The following NIFK variants were observed in gnomAD, a reference collection of about 807,000 sequenced individuals.
The protein encoded by NIFK is nucleolar protein interacting with the FHA domain of MKI67.
A neutral mutation model predicts 31.7 loss-of-function variants in NIFK; 16 were observed. The observed-to-expected ratio is 0.50, with a 90% confidence interval of 0.34 to 0.77. The LOEUF is 0.77. NIFK is among the 30% of genes least tolerant of loss of function. The probability of loss-of-function intolerance (pLI) is 0.01; values close to 1 mark genes in which losing one functional copy is unlikely to be tolerated. For synonymous variants in NIFK, 126 were observed against 123.0 expected, an observed-to-expected ratio of 1.02 and a Z score of -0.16; for missense variants, 341 against 350.4, an observed-to-expected ratio of 0.97 and a Z score of 0.21.
chr2:121,736,676 G>A (rs2074583701), intron 1 of NIFK, 70 bp downstream of exon 1: 15 of 1,358,350 alleles, frequency 1.1e-5, no homozygotes, highest in Non-Finnish European at 1.5e-5. Flanking sequence ...CGGAAACCGT[G>A]CAACCCCAGA....
chr2:121,731,034 T>C lies in NIFK; in HGVS notation c.423A>G (p.Pro141=), dbSNP rs192796365. The part of the protein sequence containing the change: ...FKDWNIPFKQ[P]SYPSVKRYNR... Reference sequence around the variant, plus strand: ...TATACCGTTTCACTGATGGATATGATGGCTGCTTAAATGGAATATTCCAGT... The same window carrying C: ...TATACCGTTTCACTGATGGATATGACGGCTGCTTAAATGGAATATTCCAGT... Residue 141 remains proline, a synonymous_variant, in exon 4 of 7, where the codon CCA becomes CCG. Coordinates refer to ENST00000285814, the MANE Select transcript of NIFK (RefSeq NM_032390.5). 8.7e-6 allele frequency: 14 copies of C among 1,613,188 alleles called. No individual in the cohort carries two copies. Among genetic ancestry groups the C allele is most frequent in the African/African-American group, 1.3e-5 (1 of 74,920 alleles).
chr2:121,734,665 C>T (rs1199779848), intron 2 of NIFK, among the ~76,000 whole-genome samples: 2 of 152,032 alleles, frequency 1.3e-5, no homozygotes, highest in South Asian at 2.1e-4. Context: ...TGGTGGCAGG[C>T]GCCTGTAATC....
chr2:121,732,225 C>T (rs769587932), intron 2 of NIFK, 21 bp from the exon 3 acceptor site: 1 of 1,412,110 alleles, frequency 7.1e-7, no homozygotes, highest in African/African-American at 1.4e-5. Flanking sequence ...GAAACCGCCA[C>T]AAAAAGTAGA....
Position 121,736,721 on chromosome 2 carries a change from A to G in NIFK, c.105+25T>C, listed in dbSNP as rs771924852. The G allele has an allele frequency of 3.1e-6, 5 of 1,598,878 alleles. No homozygotes were observed. In the Admixed American group the frequency reaches 5.0e-5, roughly 16 times the overall value. ...GACCCGGTCCATCGCCCCCGCTCGC[A>G]GCCTGGGCCAGGGTGCCTGCTCACC... On this transcript the variant is annotated intron_variant, in intron 1 of 6. Transcript: ENST00000285814.
At chr2:121,729,570 T>C (rs529645472) in intron 4 of NIFK, among the ~76,000 whole-genome samples, 1 of 152,220 alleles carries the variant, frequency 6.6e-6, no homozygotes, top group East Asian at 1.9e-4. Flanking sequence ...AATGACAATC[T>C]TTTTCTTTTT....
At position 121,736,757 on chromosome 2, in the gene NIFK, G is replaced by A. The variant is rs552559583; in HGVS notation, c.94C>T (p.Arg32Cys). ...FQKEVAQVRKRITQRKKQEQL... is the reference protein window; with the variant it reads ...FQKEVAQVRKCITQRKKQEQL... ...GGGTGCCTGCTCACCTGGGTTATGCGCTTGCGAACCTGCGCCACCTCCTTT... is the reference window on the plus strand; with the variant it reads ...GGGTGCCTGCTCACCTGGGTTATGCACTTGCGAACCTGCGCCACCTCCTTT... The change falls in exon 1 of 7, where the codon CGC becomes TGC. Residue 32 changes from arginine (R) to cysteine (C), a missense_variant. Coordinates refer to ENST00000285814, the MANE Select transcript of NIFK (RefSeq NM_032390.5). 1.9e-6 allele frequency: 3 copies of A among 1,613,836 alleles called. No individual in the cohort carries two copies. Among genetic ancestry groups the A allele is most frequent in the East Asian group, 2.2e-5 (1 of 44,882 alleles).
intron 4 of NIFK, chr2:121,728,740 AG>A (rs2074514225): frequency 4.2e-6 from 2 of 481,322 alleles, no homozygotes; most frequent in South Asian, 6.3e-5. Context: ...AGAGCTGCAG[AG>A]GTTGAAGGGA....
intron 4 of NIFK, 102 bp downstream of exon 4, chr2:121,730,791 G>A: frequency 2.6e-6 from 2 of 775,852 alleles, no homozygotes; most frequent in Non-Finnish European, 4.5e-6. Flanking sequence ...GTTGCAGTGA[G>A]TCAAGATTGT....
Position 121,731,014 on chromosome 2 carries a change from C to T in NIFK, c.443G>A (p.Arg148Gln), listed in dbSNP as rs773927967. The T allele has an allele frequency of 1.2e-5, 19 of 1,612,228 alleles. No homozygotes were observed. The East Asian group carries it at 2.0e-4, about 17-fold the overall frequency. The change falls in exon 4 of 7, where the codon CGG becomes CAG. Residue 148 changes from arginine to glutamine, a missense_variant. Transcript: ENST00000285814. ...FKQPSYPSVK[R>Q]YNRNRTLTQK... ...TGTTAGTGTCCGATTCCGATTATAC[C>T]GTTTCACTGATGGATATGATGGCTG...
At chr2:121,728,907 T>G (rs1406776736) in intron 4 of NIFK, among the ~76,000 whole-genome samples, 1 of 152,128 alleles carries the variant, frequency 6.6e-6, no homozygotes, top group Non-Finnish European at 1.5e-5. Context: ...TTTCACTGTC[T>G]CAGTTCCCAA....
intron 4 of NIFK, 35 bp from the exon 5 acceptor site, chr2:121,728,571 C>G (rs758020161): frequency 8.2e-7 from 1 of 1,225,084 alleles, no homozygotes; most frequent in African/African-American, 1.5e-5. Context: ...ACACTCATAT[C>G]TTTTCTTTCT....
At position 121,727,916 on chromosome 2, in the gene NIFK, G is replaced by A. The variant is rs1328061988; in HGVS notation, c.694-4C>T. 1 of 1,578,548 alleles carries A rather than the reference G, an allele frequency of 6.3e-7. No homozygotes were observed. The highest frequency in any genetic ancestry group is 2.2e-5 in the East Asian group (1 of 44,508). On this transcript the variant is annotated splice_region_variant and splice_polypyrimidine_tract_variant and intron_variant, in intron 6 of 6. Coordinates refer to ENST00000285814, the MANE Select transcript of NIFK (RefSeq NM_032390.5). Reference sequence around the variant, plus strand: ...GTGTACAAACTGGTGTGGGGCCCTGGATTCAACAAGTAAAGATTATAATAC... The same window carrying A: ...GTGTACAAACTGGTGTGGGGCCCTGAATTCAACAAGTAAAGATTATAATAC...
chr2:121,731,125 AC>A, intron 3 of NIFK, 21 bp from the exon 4 acceptor site: 1 of 1,380,136 alleles, frequency 7.2e-7, no homozygotes, highest in East Asian at 2.3e-5. Flanking sequence ...AAAGAAAAAA[AC>A]ATAAAGGTAT....
In NIFK at chr2:121,730,910, A is replaced by T; in HGVS notation, c.547T>A (p.Tyr183Asn). The change falls in exon 4 of 7, where the codon TAT (tyrosine) becomes AAT (asparagine). Residue 183 changes from tyrosine (Y) to asparagine (N), a missense_variant. Physicochemically the swap from Tyr to Asn is moderately radical, Grantham distance 143. Transcript: ENST00000285814. Reference protein sequence around the residue: ...RKKLAKKGIDYDFPSLILQKT... With the variant: ...RKKLAKKGIDNDFPSLILQKT... The stretch of plus-strand genomic sequence containing the variant: ...ATATTTACCAAAGAAGGAAAATCAT[A>T]GTCAATTCCTTTTTTAGCTAATTTC... The T allele has an allele frequency of 3.1e-6, 5 of 1,606,404 alleles. No individual in the cohort carries two copies. Among genetic ancestry groups the T allele is most frequent in the Non-Finnish European group, 3.4e-6 (4 of 1,173,128 alleles).
chr2:121,735,949 C>G (rs1252614281), intron 1 of NIFK, 199 bp from the exon 2 acceptor site: 1 of 563,312 alleles, frequency 1.8e-6, no homozygotes, highest in Non-Finnish European at 3.1e-6. Flanking sequence ...GCCTGGCATC[C>G]CAGCACCCAG....
At chr2:121,733,676 G>A (rs1024393103) in intron 2 of NIFK, among the ~76,000 whole-genome samples, 2 of 151,680 alleles carry the variant, frequency 1.3e-5, no homozygotes, top group African/African-American at 2.4e-5. Flanking sequence ...GTGAGACTCC[G>A]TCGCAAACAA....
At chr2:121,732,066 G>T in intron 3 of NIFK, 30 bp downstream of exon 3, 1 of 1,377,398 alleles carries the variant, frequency 7.3e-7, no homozygotes, top group Non-Finnish European at 1.0e-6. Flanking sequence ...AGGCACCCAG[G>T]CAACCCTGCG....
At chr2:121,729,080 G>T (rs1017272764) in intron 4 of NIFK, among the ~76,000 whole-genome samples, 3 of 152,160 alleles carry the variant, frequency 2.0e-5, no homozygotes, top group Non-Finnish European at 4.4e-5. Flanking sequence ...CTAGTAAATT[G>T]GCTGGGCGCA....
chr2:121,727,679 C>T lies in NIFK; in HGVS notation c.*45G>A, dbSNP rs2074500917. On this transcript the variant is annotated 3_prime_UTR_variant, in exon 7 of 7. Transcript: ENST00000285814. ...CCTAGTGAAATACAAAGTCCACTCT[C>T]ATAAAAATATTATATTTTTCAAAAG... 2.8e-6 allele frequency: 4 copies of T among 1,407,588 alleles called. No individual in the cohort carries two copies. Among genetic ancestry groups the T allele is most frequent in the Non-Finnish European group, 3.9e-6 (4 of 1,018,788 alleles). The allele number at this position is 1,407,588 out of a possible 1,614,324, so 87.2% of individuals were successfully genotyped here.
Sources: gnomAD v4.1 joint callset for allele counts (sites outside exome capture counted in the v4.1 genomes callset) on GRCh38, gnomAD v4.1.1 for gene constraint, MANE v1.5 for transcripts, NCBI Gene and HGNC (gene_info 2026-07-23, HGNC 2026-07-21) for gene names.